SCN1A: variants seen among roughly 807,000 people sequenced by gnomAD.
SCN1A encodes the protein sodium channel protein type 1 subunit alpha.
SCN1A carries 13 observed loss-of-function variants against 193.7 expected under a neutral mutation model. The ratio of observed to expected loss-of-function variants is 0.07; its 90% CI spans 0.04 to 0.11. SCN1A has a LOEUF of 0.11. Among genes scored for constraint, SCN1A ranks in the 10% least tolerant of loss-of-function variants. The pLI, the probability that SCN1A is intolerant of heterozygous loss-of-function variation, is 1.00. For synonymous variants in SCN1A, 781 were observed against 843.6 expected (o/e 0.93, Z 1.29); for missense variants, 1,432 against 2,451.1 (o/e 0.58, Z 8.78).
At chr2:166,087,206 C>T (rs983534491) in intron 2 of SCN1A, among the ~76,000 whole-genome samples, 1 of 150,404 alleles carries the variant, frequency 6.6e-6, no homozygotes, top group Non-Finnish European at 1.5e-5. Context: ...GTGGCTCACA[C>T]CTGTAATCCC....
chr2:166,105,479 C>T (rs909810962), intron 2 of SCN1A, among the ~76,000 whole-genome samples: 1 of 152,086 alleles, frequency 6.6e-6, no homozygotes, highest in Non-Finnish European at 1.5e-5. Flanking sequence ...TCAGTGAAAC[C>T]CTTTATATTA....
At chr2:165,996,986 A>G (rs1428802568) in intron 26 of SCN1A, among the ~76,000 whole-genome samples, 3 of 151,436 alleles carry the variant, frequency 2.0e-5, no homozygotes, top group African/African-American at 7.2e-5. Context: ...TTCACCTATT[A>G]AATATCAAAT....
At position 166,010,027 on chromosome 2, in the gene SCN1A, G is replaced by A. The variant is rs535680013; in HGVS notation, c.3880-186C>T. On this transcript the variant is annotated intron_variant, in intron 22 of 28. Coordinates refer to ENST00000674923, the MANE Select transcript of SCN1A (RefSeq NM_001165963.4). ...TTGATGTAAAGGATGTAATTTTTAG[G>A]ACATTAATTAAAAGCTAGTTGAAAA... Among the ~76,000 whole-genome samples, 43 of 148,796 alleles carry A rather than the reference G, an allele frequency of 2.9e-4. No individual in the cohort carries two copies. In the South Asian group the frequency reaches 9.1e-3, roughly 32 times the overall value.
chr2:166,055,947 C>T (rs1004727089), intron 6 of SCN1A, among the ~76,000 whole-genome samples: 4 of 151,956 alleles, frequency 2.6e-5, no homozygotes, highest in East Asian at 1.9e-4. Flanking sequence ...TTGGTGACCA[C>T]GCTTGGAACT....
intron 23 of SCN1A, among the ~76,000 whole-genome samples, chr2:166,004,137 A>G (rs1360064191): frequency 6.6e-6 from 1 of 151,658 alleles, no homozygotes; most frequent in Non-Finnish European, 1.5e-5. Context: ...GACTGTCTGC[A>G]TTAATACAAT....
At chr2:166,004,457 A>T (rs1240787465) in intron 23 of SCN1A, among the ~76,000 whole-genome samples, 2 of 151,068 alleles carry the variant, frequency 1.3e-5, no homozygotes, top group African/African-American at 4.9e-5. Context: ...CAGCTTTGCC[A>T]CCTCTTTTCC....
Position 165,996,030 on chromosome 2 carries a change from G to A in SCN1A, c.4564C>T (p.Pro1522Ser). The A allele has an allele frequency of 6.2e-7, 1 of 1,605,824 alleles. No individual in the cohort carries two copies. Among genetic ancestry groups the A allele is most frequent in the Non-Finnish European group, 8.5e-7 (1 of 1,173,596 alleles). ...CTTCTTACTCCTGGTCGAGGTATAG[G>A]CTTTTGCGGTTTTTTCGATCCTAAT... ...KKLGSKKPQK[P>S]IPRPGNKFQG... The change falls in exon 27 of 29, where the codon CCT becomes TCT. Residue 1522 changes from proline (P) to serine (S), a missense_variant. Pro to Ser is a moderately conservative substitution (Grantham distance 74). This residue lies in a region of SCN1A where 85 missense variants were observed against 119.1 expected (regional missense o/e 0.71). Coordinates refer to ENST00000674923, the MANE Select transcript of SCN1A (RefSeq NM_001165963.4).
intron 1 of SCN1A, among the ~76,000 whole-genome samples, chr2:166,145,528 TTGTGTGTG>T (rs10659996): frequency 6.7e-6 from 1 of 150,302 alleles, no homozygotes; most frequent in Non-Finnish European, 1.5e-5. Flanking sequence ...GGAGAAAAAT[TTGTGTGTG>T]TGTGTGTGTG....
chr2:166,137,049 C>T lies in SCN1A; in HGVS notation c.-50+11998G>A, dbSNP rs999575673. Among the ~76,000 whole-genome samples, 3 of 152,180 alleles carry T rather than the reference C, an allele frequency of 2.0e-5. No individual in the cohort carries two copies. The East Asian group carries it at 5.8e-4, about 29-fold the overall frequency. Reference sequence around the variant, plus strand: ...CCTACATTTTAATACTCCCAACACTCTCTTCCCTGGTCTGCATTCCTTGGA... The same window carrying T: ...CCTACATTTTAATACTCCCAACACTTTCTTCCCTGGTCTGCATTCCTTGGA... On this transcript the variant is annotated intron_variant, in intron 1 of 26. Transcript: ENST00000635750.
chr2:166,135,162 T>C (rs1172074400), intron 1 of SCN1A, among the ~76,000 whole-genome samples: 2 of 152,262 alleles, frequency 1.3e-5, no homozygotes, highest in East Asian at 1.9e-4. Flanking sequence ...AAGAACAATA[T>C]GATTGATTAC....
intron 2 of SCN1A, among the ~76,000 whole-genome samples, chr2:166,116,514 T>C (rs1390743002): frequency 6.6e-6 from 1 of 152,136 alleles, no homozygotes; most frequent in Non-Finnish European, 1.5e-5. Flanking sequence ...ATCTGCATTA[T>C]AATAATCTCA....
At chr2:166,094,497 A>C (rs1687161889) in intron 2 of SCN1A, among the ~76,000 whole-genome samples, 1 of 152,222 alleles carries the variant, frequency 6.6e-6, no homozygotes, top group African/African-American at 2.4e-5. Flanking sequence ...GAAATAAGGA[A>C]TAACATTCTG....
At chr2:166,073,128 G>A (rs943034270) in intron 4 of SCN1A, among the ~76,000 whole-genome samples, 15 of 152,060 alleles carry the variant, frequency 9.9e-5, no homozygotes, top group East Asian at 1.9e-4. Context: ...TTGAGCCACC[G>A]CACCTGGCCT....
intron 2 of SCN1A, among the ~76,000 whole-genome samples, chr2:166,123,110 G>A (rs1690789108): frequency 6.6e-6 from 1 of 150,940 alleles, no homozygotes. Context: ...TAAACCATTG[G>A]AATATGAGTC....
intron 19 of SCN1A, among the ~76,000 whole-genome samples, chr2:166,017,352 A>G (rs1693441685): frequency 1.3e-5 from 2 of 152,060 alleles, no homozygotes. Flanking sequence ...CATATCCAGG[A>G]ATAAGTCATT....
intron 19 of SCN1A, among the ~76,000 whole-genome samples, chr2:166,025,220 C>T (rs967145627): frequency 3.3e-5 from 5 of 152,066 alleles, no homozygotes; most frequent in Non-Finnish European, 5.9e-5. Flanking sequence ...GGCTGGAAAT[C>T]CAGTTCTTTT....
At chr2:166,020,984 G>C (rs1221789296) in intron 19 of SCN1A, among the ~76,000 whole-genome samples, 1 of 152,182 alleles carries the variant, frequency 6.6e-6, no homozygotes, top group Admixed American at 6.5e-5. Context: ...TGGAGCAGTT[G>C]AATGTTTGGG....
At chr2:166,003,161 T>G in intron 23 of SCN1A, among the ~76,000 whole-genome samples, 1 of 151,326 alleles carries the variant, frequency 6.6e-6, no homozygotes, top group Middle Eastern at 3.2e-3. Context: ...ACTAAAACAT[T>G]TGGACCTGAG....
Position 166,043,898 on chromosome 2 carries a change from C to T in SCN1A, c.1814G>A (p.Arg605Lys). 6.2e-7 allele frequency: 1 copy of T among 1,614,184 alleles called. No homozygotes were observed. The highest frequency in any genetic ancestry group is 8.5e-7 in the Non-Finnish European group (1 of 1,180,020). Reference protein sequence around the residue: ...HSTFEDNESRRDSLFVPRRHG... With the variant: ...HSTFEDNESRKDSLFVPRRHG... Reference sequence around the variant, plus strand: ...TCGTCGGGGCACAAACAAGGAATCTCTACGGCTCTCGTTATCCTCAAAGGT... The same window carrying T: ...TCGTCGGGGCACAAACAAGGAATCTTTACGGCTCTCGTTATCCTCAAAGGT... The change falls in exon 14 of 29, where the codon AGA (arginine) becomes AAA (lysine). Residue 605 changes from arginine (R) to lysine (K), a missense_variant. Physicochemically the swap from Arg to Lys is conservative, Grantham distance 26. This residue lies in a region of SCN1A where 316 missense variants were observed against 362.1 expected (regional missense o/e 0.87). Transcript: ENST00000674923.
Sources: allele counts gnomAD v4.1 joint callset (sites outside exome capture counted in the v4.1 genomes callset), GRCh38; gene constraint gnomAD v4.1.1; regional missense constraint gnomAD v4.1.1; transcripts MANE v1.5; gene names NCBI Gene and HGNC (gene_info 2026-07-23, HGNC 2026-07-21).